TVP23B: variants seen among roughly 807,000 people sequenced by gnomAD.
TVP23B encodes the protein Golgi apparatus membrane protein TVP23 homolog B.
In TVP23B, 10 loss-of-function variants were observed where a neutral mutation model predicts 30.6. The ratio of observed to expected loss-of-function variants is 0.33; its 90% CI spans 0.20 to 0.55. TVP23B has a LOEUF of 0.55. Among genes scored for constraint, TVP23B ranks in the 20% least tolerant of loss-of-function variants. The pLI, the probability that TVP23B is intolerant of heterozygous loss-of-function variation, is 0.91. For missense variants in TVP23B, 153 were observed against 243.2 expected, an observed-to-expected ratio of 0.63 and a Z score of 2.47; for synonymous variants, 67 against 83.1, an observed-to-expected ratio of 0.81 and a Z score of 1.06.
chr17:18,803,915 A>G (rs2036206898), intron 5 of TVP23B, among the ~76,000 whole-genome samples: 1 of 151,980 alleles, frequency 6.6e-6, no homozygotes, highest in Admixed American at 6.6e-5. Context: ...AGTTGTGTCC[A>G]GTAAATATTT....
intron 5 of TVP23B, 120 bp downstream of exon 5, chr17:18,799,063 C>T: frequency 1.6e-6 from 2 of 1,233,836 alleles, no homozygotes; most frequent in Non-Finnish European, 2.2e-6. Context: ...GCAGCTTCAT[C>T]ATGTAATTCC....
intron 1 of TVP23B, among the ~76,000 whole-genome samples, chr17:18,784,025 G>A (rs1261715519): frequency 6.6e-6 from 1 of 152,040 alleles, no homozygotes; most frequent in African/African-American, 2.4e-5. Flanking sequence ...GGCACCTGTA[G>A]TCCCAGCTAC....
chr17:18,781,257 A>G lies in TVP23B; in HGVS notation c.-37A>G. 6.4e-7 allele frequency: 1 copy of G among 1,562,022 alleles called. No homozygotes were observed. Among genetic ancestry groups the G allele is most frequent in the Non-Finnish European group, 8.7e-7 (1 of 1,153,972 alleles). On this transcript the variant is annotated 5_prime_UTR_variant, in exon 1 of 7. Coordinates refer to ENST00000307767, the MANE Select transcript of TVP23B (RefSeq NM_016078.6). ...CCCGGACCCGTACGCTGCTGCGCTG[A>G]CGTGGCTCCCGGAAGTAGGGCTGGC...
At chr17:18,805,474 C>T in intron 6 of TVP23B, 67 bp from the exon 7 acceptor site, 1 of 1,594,074 alleles carries the variant, frequency 6.3e-7, no homozygotes, top group Non-Finnish European at 8.5e-7. Context: ...GCCTAGTCCC[C>T]AAGTCCATGG....
At chr17:18,802,822 A>T (rs545271811) in intron 5 of TVP23B, among the ~76,000 whole-genome samples, 2 of 152,288 alleles carry the variant, frequency 1.3e-5, no homozygotes, top group South Asian at 2.1e-4. Context: ...ATTGAGGTGT[A>T]CCCTGGCATG....
intron 5 of TVP23B, 164 bp downstream of exon 5, chr17:18,799,107 A>C: frequency 3.1e-6 from 2 of 654,204 alleles, no homozygotes; most frequent in Non-Finnish European, 4.4e-6. Context: ...CTTTCTCTAT[A>C]ATACTGGAGA....
intron 1 of TVP23B, among the ~76,000 whole-genome samples, chr17:18,786,490 C>T (rs955064112): frequency 3.5e-4 from 53 of 151,558 alleles, no homozygotes; most frequent in African/African-American, 1.2e-3. Context: ...TCTCCCTGGC[C>T]GCTGGATGGC....
chr17:18,798,386 T>C (rs1322372210), intron 4 of TVP23B, among the ~76,000 whole-genome samples: 2 of 151,138 alleles, frequency 1.3e-5, no homozygotes, highest in Non-Finnish European at 2.9e-5. Flanking sequence ...TTGATTATTG[T>C]CCAGAATCCC....
In TVP23B at chr17:18,789,613, A is replaced by G. The variant is rs531005181; in HGVS notation, c.95+178A>G. ...GACATTTCAGATTTTCTTGTGAATA[A>G]TTGGCATACTTAATACTGAGTTTTA... On this transcript the variant is annotated intron_variant, in intron 2 of 6. Coordinates refer to ENST00000307767, the MANE Select transcript of TVP23B (RefSeq NM_016078.6). 3.0e-5 allele frequency: 22 copies of G among 744,856 alleles called. No homozygotes were observed. In the South Asian group the frequency reaches 3.9e-4, roughly 13 times the overall value. The allele number at this position is 744,856 out of a possible 1,614,324, so 46.1% of individuals were successfully genotyped here. A position where few individuals can be genotyped will look rare whatever the true frequency, so the allele number is the denominator to read the frequency against.
intron 1 of TVP23B, among the ~76,000 whole-genome samples, chr17:18,787,631 A>C (rs1308537245): frequency 6.6e-6 from 1 of 152,172 alleles, no homozygotes; most frequent in Non-Finnish European, 1.5e-5. Context: ...GCAGGGCATG[A>C]GGAAGGGAAG....
chr17:18,798,047 AT>A (rs2036101974), intron 4 of TVP23B, among the ~76,000 whole-genome samples: 1 of 152,018 alleles, frequency 6.6e-6, no homozygotes, highest in South Asian at 2.1e-4. Flanking sequence ...GTCGTCTTTC[AT>A]TTCTGGGCAG....
chr17:18,784,895 T>C (rs145266550), intron 1 of TVP23B, among the ~76,000 whole-genome samples: 4,332 of 152,274 alleles, frequency 0.028, 63 homozygotes, highest in Non-Finnish European at 0.045. Flanking sequence ...TTTATCTTTT[T>C]AGTTGTTCAG....
At position 18,787,417 on chromosome 17, in the gene TVP23B, A is replaced by AAC. The variant is rs1214129392; in HGVS notation, c.13-1935_13-1934insCA. Among the ~76,000 whole-genome samples the AAC allele has an allele frequency of 9.4e-5, 14 of 149,654 alleles. No individual in the cohort carries two copies. In the East Asian group the frequency reaches 2.4e-3, roughly 25 times the overall value. ...GACTCTGTCTCAAAAAAAAAAAAAA[A>AAC]AACCTTGTCTTCTAGGTCCTCCAGC... is the stretch of plus-strand genomic sequence containing the variant. On this transcript the variant is annotated intron_variant, in intron 1 of 6. Transcript: ENST00000307767.
At chr17:18,795,250 C>A (rs747988920) in intron 3 of TVP23B, among the ~76,000 whole-genome samples, 2 of 151,906 alleles carry the variant, frequency 1.3e-5, no homozygotes, top group Non-Finnish European at 1.5e-5. Context: ...TGGTCTTGAA[C>A]CCAAGTGAGC....
intron 1 of TVP23B, among the ~76,000 whole-genome samples, chr17:18,786,599 A>G (rs567535025): frequency 1.3e-5 from 2 of 152,334 alleles, no homozygotes; most frequent in African/African-American, 4.8e-5. Flanking sequence ...TCACACCTCA[A>G]AGCAATTATA....
chr17:18,798,192 T>C lies in TVP23B; in HGVS notation c.330+524T>C, dbSNP rs535059030. Among the ~76,000 whole-genome samples, 59 of 152,296 alleles carry C rather than the reference T, an allele frequency of 3.9e-4. No individual in the cohort carries two copies. The Middle Eastern group carries it at 0.01, about 26-fold the overall frequency. ...GCTACACTATAGTGAATATTCACTT[T>C]CCTTGTGGAAATAAGTTTTGGAAGC... is the stretch of plus-strand genomic sequence containing the variant. On this transcript the variant is annotated intron_variant, in intron 4 of 6. Transcript: ENST00000307767.
At chr17:18,787,402 C>CAAA (rs565447334) in intron 1 of TVP23B, among the ~76,000 whole-genome samples, 210 of 89,948 alleles carry the variant, frequency 2.3e-3, no homozygotes, top group East Asian at 0.012. Context: ...GACTCTGTCT[C>CAAA]AAAAAAAAAA....
At chr17:18,801,851 A>G (rs1287148540) in intron 5 of TVP23B, among the ~76,000 whole-genome samples, 3 of 152,182 alleles carry the variant, frequency 2.0e-5, no homozygotes, top group Admixed American at 6.5e-5. Context: ...AGTTATTTAT[A>G]TCCTACTGCT....
In TVP23B at chr17:18,793,089, A is replaced by G. The variant is rs552255585; in HGVS notation, c.240+2049A>G. 9.2e-3 allele frequency among the ~76,000 whole-genome samples: 1,405 copies of G among 152,186 alleles called. 16 individuals carry two copies. Among genetic ancestry groups the G allele is most frequent in the South Asian group, 0.069 (334 of 4,812 alleles). ...CTCATAATGTTTTAAGAAAGTTTACAAATTTCTCCTGGGCCGCATTCAAAG... is the reference window on the plus strand; with the variant it reads ...CTCATAATGTTTTAAGAAAGTTTACGAATTTCTCCTGGGCCGCATTCAAAG... On this transcript the variant is annotated intron_variant, in intron 3 of 6. Coordinates refer to ENST00000307767, the MANE Select transcript of TVP23B (RefSeq NM_016078.6).
Sources: allele counts gnomAD v4.1 joint callset (sites outside exome capture counted in the v4.1 genomes callset), GRCh38; gene constraint gnomAD v4.1.1; transcripts MANE v1.5; gene names NCBI Gene and HGNC (gene_info 2026-07-23, HGNC 2026-07-21).